The following BRF1 variants were observed in gnomAD, a reference collection of about 807,000 sequenced individuals.
BRF1 encodes transcription factor IIIB 90 kDa subunit.
In BRF1, 59 loss-of-function variants were observed where a neutral mutation model predicts 81.7. The ratio of observed to expected loss-of-function variants is 0.72; its 90% CI spans 0.59 to 0.90. The LOEUF (loss-of-function observed/expected upper bound fraction) is 0.90. BRF1 is among the 40% of genes least tolerant of loss of function. The pLI, the probability that BRF1 is intolerant of heterozygous loss-of-function variation, is 0.00. For missense variants in BRF1, 1,050 were observed against 936.3 expected, an observed-to-expected ratio of 1.12 and a Z score of -1.58; for synonymous variants, 491 against 395.6, an observed-to-expected ratio of 1.24 and a Z score of -2.86.
intron 1 of BRF1, among the ~76,000 whole-genome samples, chr14:105,288,379 G>A (rs965053007): frequency 1.3e-5 from 2 of 152,046 alleles, no homozygotes; most frequent in Non-Finnish European, 2.9e-5. Flanking sequence ...TTGAACCCAG[G>A]AGGTGGAGGT....
intron 1 of BRF1, among the ~76,000 whole-genome samples, chr14:105,295,303 CAAAAAAA>C (rs869251134): frequency 1.3e-3 from 46 of 36,586 alleles, no homozygotes; most frequent in South Asian, 4.0e-3. Context: ...CACATCTCTA[CAAAAAAA>C]AAAAAAAAAA....
At position 105,248,396 on chromosome 14, in the gene BRF1, G is replaced by A. The variant is rs988664519; in HGVS notation, c.544+4111C>T. 7.1e-6 allele frequency: 7 copies of A among 985,288 alleles called. No individual in the cohort carries two copies. The African/African-American group carries it at 1.2e-4, about 17-fold the overall frequency. 61.0% of individuals were successfully genotyped at this position (985,288 alleles called of 1,614,324 possible). ...GGGGGCGGCCGCCTGCCAGCGCCGG[G>A]AGCCGCCTTCCACGGCTACCTCTGC... On this transcript the variant is annotated intron_variant, in intron 5 of 17. Transcript: ENST00000547530.
chr14:105,221,494 G>C (rs1892278985), intron 11 of BRF1, 154 bp downstream of exon 11: 5 of 1,080,878 alleles, frequency 4.6e-6, no homozygotes, highest in Non-Finnish European at 6.4e-6. Context: ...CAGCCCCATT[G>C]GGGGGACTGG....
At chr14:105,305,856 G>A (rs998295934), upstream of BRF1, among the ~76,000 whole-genome samples, 1 of 152,276 alleles carries the variant, frequency 6.6e-6, no homozygotes, top group Non-Finnish European at 1.5e-5. Flanking sequence ...CCTGTGCCCA[G>A]GGTCCTCTGT....
chr14:105,219,608 G>A, intron 12 of BRF1: 2 of 424,990 alleles, frequency 4.7e-6, no homozygotes, highest in East Asian at 3.9e-5. Context: ...GAGGCACCAC[G>A]TGGCCATGAA....
At chr14:105,214,305 A>T (rs1890662650) in intron 15 of BRF1, among the ~76,000 whole-genome samples, 1 of 152,226 alleles carries the variant, frequency 6.6e-6, no homozygotes. Flanking sequence ...ATGAGGACAG[A>T]CTGATCTGCA....
At chr14:105,305,900 A>G (rs1276457292), upstream of BRF1, among the ~76,000 whole-genome samples, 8 of 152,150 alleles carry the variant, frequency 5.3e-5, no homozygotes, top group Admixed American at 4.6e-4. Flanking sequence ...CAGGACCCTC[A>G]CTCGCACCGC....
At chr14:105,280,154 G>A (rs1324499283) in intron 2 of BRF1, among the ~76,000 whole-genome samples, 1 of 152,244 alleles carries the variant, frequency 6.6e-6, no homozygotes. Context: ...CAGCAAGCAG[G>A]TGAAAGGATA....
At chr14:105,294,220 G>A (rs1479916577) in intron 1 of BRF1, among the ~76,000 whole-genome samples, 10 of 152,202 alleles carry the variant, frequency 6.6e-5, no homozygotes, top group South Asian at 2.1e-4. Flanking sequence ...CCGCCGCCTC[G>A]CAGCACTTCC....
chr14:105,314,072 G>C (rs1046842379), intron 1 of BRF1, among the ~76,000 whole-genome samples: 3 of 152,274 alleles, frequency 2.0e-5, no homozygotes, highest in Non-Finnish European at 2.9e-5. Context: ...TGGAGCCCTG[G>C]AGGCTAAGCT....
chr14:105,275,918 T>C lies in BRF1; in HGVS notation c.266-3024A>G, dbSNP rs142539601. 6.9e-3 allele frequency among the ~76,000 whole-genome samples: 988 copies of C among 142,720 alleles called. 61 individuals carry two copies. In the East Asian group the frequency reaches 0.13, roughly 19 times the overall value. 93.6% of individuals were successfully genotyped at this position (142,720 alleles called of 152,430 possible). The stretch of plus-strand genomic sequence containing the variant: ...ACGTGAGGCCACAGTGAGAAGGAGC[T>C]GAGAGGCGGCCCTCACTAGAGAGCT... On this transcript the variant is annotated intron_variant, in intron 2 of 17. Transcript: ENST00000547530.
At chr14:105,229,548 C>T (rs112041489) in intron 6 of BRF1, among the ~76,000 whole-genome samples, 14 of 152,216 alleles carry the variant, frequency 9.2e-5, no homozygotes, top group Middle Eastern at 3.2e-3. Flanking sequence ...CGGCCACATC[C>T]ACCCACCAGC....
intron 3 of BRF1, among the ~76,000 whole-genome samples, chr14:105,265,663 C>A (rs587603898): frequency 6.6e-6 from 1 of 151,692 alleles, no homozygotes; most frequent in Non-Finnish European, 1.5e-5. Context: ...ATTGGGAGGC[C>A]GAGGCGGATG....
At chr14:105,247,912 G>A in intron 5 of BRF1, 1 of 985,520 alleles carries the variant, frequency 1.0e-6, no homozygotes, top group South Asian at 4.7e-5. Flanking sequence ...GCCCCAGGCC[G>A]GGAGGCTAGA....
chr14:105,288,709 C>T lies in BRF1; in HGVS notation c.185-2333G>A, dbSNP rs2057408426. On this transcript the variant is annotated intron_variant, in intron 1 of 17. Transcript: ENST00000547530. ...AGTGCAGTGGCGTGATCTTGGCTCA[C>T]TGCAAGCTCTGCCTCCTGGGTTCAT... is the stretch of plus-strand genomic sequence containing the variant. 2.0e-5 allele frequency among the ~76,000 whole-genome samples: 3 copies of T among 148,790 alleles called. No individual in the cohort carries two copies. The South Asian group carries it at 6.6e-4, about 33-fold the overall frequency.
At chr14:105,292,749 G>A (rs901551271) in intron 1 of BRF1, among the ~76,000 whole-genome samples, 4 of 152,108 alleles carry the variant, frequency 2.6e-5, no homozygotes, top group African/African-American at 9.7e-5. Flanking sequence ...GGCCAAGCAC[G>A]GCAGCCCACA....
intron 1 of BRF1, among the ~76,000 whole-genome samples, chr14:105,310,102 T>C (rs747100002): frequency 1.3e-5 from 2 of 152,130 alleles, no homozygotes; most frequent in Non-Finnish European, 2.9e-5. Flanking sequence ...CTTTTTATAA[T>C]TTACAATTCG....
chr14:105,248,586 C>CGGGA (rs2055319904), intron 5 of BRF1: 3 of 263,912 alleles, frequency 1.1e-5, no homozygotes, highest in African/African-American at 1.3e-4. Flanking sequence ...GGCGGGCGGG[C>CGGGA]GGGACGGCGC....
upstream of BRF1, among the ~76,000 whole-genome samples, chr14:105,301,532 T>TC (rs2058027208): frequency 6.6e-6 from 1 of 151,946 alleles, no homozygotes; most frequent in African/African-American, 2.4e-5. Flanking sequence ...GCAGCTGCGC[T>TC]GGGGGGCCTG....
Sources: allele counts gnomAD v4.1 joint callset (sites outside exome capture counted in the v4.1 genomes callset), GRCh38; gene constraint gnomAD v4.1.1; transcripts MANE v1.5; gene names NCBI Gene and HGNC (gene_info 2026-07-23, HGNC 2026-07-21).